Variants in MERTK observed in about 807,000 individuals in gnomAD.
The protein encoded by MERTK is MER proto-oncogene, tyrosine kinase.
In MERTK, 69 loss-of-function variants were observed where a neutral mutation model predicts 99.3. The ratio of observed to expected loss-of-function variants is 0.70; its 90% CI spans 0.57 to 0.85. The LOEUF (loss-of-function observed/expected upper bound fraction) is 0.85, where lower values mean the gene tolerates loss of function less well. Among genes scored for constraint, MERTK ranks in the 40% least tolerant of loss-of-function variants. The pLI is 0.00. For synonymous variants in MERTK, 426 were observed against 467.6 expected, an observed-to-expected ratio of 0.91 and a Z score of 1.15; for missense variants, 1,125 against 1,249.4, an observed-to-expected ratio of 0.90 and a Z score of 1.50.
At chr2:111,935,190 C>T (rs968152333) in intron 2 of MERTK, among the ~76,000 whole-genome samples, 5 of 152,152 alleles carry the variant, frequency 3.3e-5, no homozygotes, top group Admixed American at 6.5e-5. Flanking sequence ...GCCATCCTTG[C>T]ACATGAAGGT....
At chr2:112,024,594 C>T (rs1287824920) in intron 18 of MERTK, among the ~76,000 whole-genome samples, 2 of 152,186 alleles carry the variant, frequency 1.3e-5, no homozygotes, top group Non-Finnish European at 2.9e-5. Context: ...ACAGCATCCC[C>T]CAAAGAGGCC....
intron 5 of MERTK, among the ~76,000 whole-genome samples, chr2:111,965,820 T>C (rs1226289370): frequency 6.6e-6 from 1 of 152,138 alleles, no homozygotes; most frequent in African/African-American, 2.4e-5. Flanking sequence ...CCAATGCTCC[T>C]ATCCCTCTTC....
intron 16 of MERTK, among the ~76,000 whole-genome samples, chr2:112,021,065 T>C (rs1032621077): frequency 6.7e-6 from 1 of 148,534 alleles, no homozygotes; most frequent in African/African-American, 2.5e-5. Flanking sequence ...CCGGCTGTGG[T>C]AGTGTGTACC....
At chr2:112,022,137 C>T in intron 17 of MERTK, 121 bp from the exon 18 acceptor site, 1 of 1,399,614 alleles carries the variant, frequency 7.1e-7, no homozygotes, top group East Asian at 2.3e-5. Flanking sequence ...GCGTCTCACA[C>T]ATAATTGCCA....
At chr2:111,943,757 C>T (rs141083775) in intron 2 of MERTK, among the ~76,000 whole-genome samples, 1 of 152,222 alleles carries the variant, frequency 6.6e-6, no homozygotes, top group African/African-American at 2.4e-5. Context: ...ACCAGCTCTC[C>T]ATTTTTATAG....
chr2:112,015,608 A>C (rs765760605), intron 15 of MERTK, among the ~76,000 whole-genome samples: 13 of 151,944 alleles, frequency 8.6e-5, no homozygotes, highest in Non-Finnish European at 1.8e-4. Flanking sequence ...GTTTCCAGAG[A>C]CTGTTTTCCA....
At position 112,001,475 on chromosome 2, in the gene MERTK, T is replaced by C. The variant is rs1259039263; in HGVS notation, c.1690+189T>C. Among the ~76,000 whole-genome samples the C allele has an allele frequency of 2.0e-5, 3 of 152,338 alleles. No individual in the cohort carries two copies. In the East Asian group the frequency reaches 5.8e-4, roughly 29 times the overall value. On this transcript the variant is annotated intron_variant, in intron 11 of 18. Coordinates refer to ENST00000295408, the MANE Select transcript of MERTK (RefSeq NM_006343.3). ...CCATGCACAGCTCTGTGGGCTAATTTACTGCAATCAGGAGCTTGACCTGGG... is the reference window on the plus strand; with the variant it reads ...CCATGCACAGCTCTGTGGGCTAATTCACTGCAATCAGGAGCTTGACCTGGG...
chr2:112,025,906 T>C (rs1381061337), intron 18 of MERTK, among the ~76,000 whole-genome samples: 1 of 152,162 alleles, frequency 6.6e-6, no homozygotes, highest in Non-Finnish European at 1.5e-5. Context: ...TCTCCAAAAC[T>C]CTTCTTATCT....
At chr2:111,925,288 A>ATTT (rs1684536740) in intron 1 of MERTK, among the ~76,000 whole-genome samples, 5 of 37,202 alleles carry the variant, frequency 1.3e-4, no homozygotes, top group East Asian at 2.1e-3. Flanking sequence ...ATATATATAT[A>ATTT]TATATTTTTT....
chr2:112,024,889 C>T (rs1677433125), intron 18 of MERTK: 1 of 154,168 alleles, frequency 6.5e-6, no homozygotes, highest in African/African-American at 2.4e-5. Flanking sequence ...ATGATTGTGC[C>T]ACCAGACTCC....
At position 111,898,610 on chromosome 2, in the gene MERTK, C is replaced by A; in HGVS notation, c.-126C>A. On this transcript the variant is annotated 5_prime_UTR_variant, in exon 1 of 19. Coordinates refer to ENST00000295408, the MANE Select transcript of MERTK (RefSeq NM_006343.3). ...CCGCCGGCCGCTTGGCTCCGCCACT[C>A]GGCACTCACTGCCCGGGCCGCCCGG... 1.7e-6 allele frequency: 2 copies of A among 1,152,150 alleles called. No individual in the cohort carries two copies. Among genetic ancestry groups the A allele is most frequent in the South Asian group, 1.3e-5 (1 of 74,100 alleles). The allele number at this position is 1,152,150 out of a possible 1,614,324, so 71.4% of individuals were successfully genotyped here. A position where few individuals can be genotyped will look rare whatever the true frequency, so the allele number is the denominator to read the frequency against.
Position 111,910,423 on chromosome 2 carries a change from C to T in MERTK, c.61+11627C>T, listed in dbSNP as rs569160382. On this transcript the variant is annotated intron_variant, in intron 1 of 18. Transcript: ENST00000295408. Reference sequence around the variant, plus strand: ...TAGCTGGGATTACAGGCGCCTGCCACCACGCCTGGCTAATTTTTGTATTTT... The same window carrying T: ...TAGCTGGGATTACAGGCGCCTGCCATCACGCCTGGCTAATTTTTGTATTTT... Among the ~76,000 whole-genome samples the T allele has an allele frequency of 4.0e-3, 601 of 152,132 alleles. 2 individuals are homozygous for T. Among genetic ancestry groups the T allele is most frequent in the Non-Finnish European group, 7.3e-3 (497 of 67,972 alleles).
intron 8 of MERTK, among the ~76,000 whole-genome samples, chr2:111,989,646 C>T (rs1452446941): frequency 6.6e-6 from 1 of 152,238 alleles, no homozygotes; most frequent in African/African-American, 2.4e-5. Flanking sequence ...TAAGCCACCA[C>T]TCCTGGACGG....
intron 6 of MERTK, among the ~76,000 whole-genome samples, chr2:111,968,746 C>T (rs1465507363): frequency 6.6e-6 from 1 of 152,182 alleles, no homozygotes; most frequent in Non-Finnish European, 1.5e-5. Context: ...TCAGGCTGGT[C>T]TCAAACTCCC....
In MERTK at chr2:112,019,498, G is replaced by A. The variant is rs147779020; in HGVS notation, c.2165G>A (p.Arg722Gln). The A allele has an allele frequency of 2.1e-5, 34 of 1,613,344 alleles. No homozygotes were observed. Among genetic ancestry groups the A allele is most frequent in the African/African-American group, 8.0e-5 (6 of 74,960 alleles). ...CTGAGCAACAGGAATTTTCTTCATCGAGATTTAGCTGCTCGAAACTGCATG... is the reference window on the plus strand; with the variant it reads ...CTGAGCAACAGGAATTTTCTTCATCAAGATTTAGCTGCTCGAAACTGCATG... The part of the protein sequence containing the change: ...EYLSNRNFLH[R>Q]DLAARNCMLR... The change falls in exon 16 of 19, where the codon CGA becomes CAA. Residue 722 changes from arginine (R) to glutamine (Q), a missense_variant. Coordinates refer to ENST00000295408, the MANE Select transcript of MERTK (RefSeq NM_006343.3).
chr2:111,947,582 T>G lies in MERTK; in HGVS notation c.757+15T>G. 2 of 1,613,436 alleles carry G rather than the reference T, an allele frequency of 1.2e-6. No individual in the cohort carries two copies. The highest frequency in any genetic ancestry group is 1.7e-6 in the Non-Finnish European group (2 of 1,179,868). ...AACTGTTCCAGGTAAGTCCGAGCTG[T>G]GGGCTTATTGATTTATTCTCTAATA... On this transcript the variant is annotated intron_variant, in intron 4 of 18. Transcript: ENST00000295408.
chr2:111,997,497 T>G, intron 10 of MERTK, 21 bp downstream of exon 10: 1 of 1,611,826 alleles, frequency 6.2e-7, no homozygotes. Flanking sequence ...CAGCTAAAAA[T>G]GTTTGCCCAC....
At chr2:111,917,746 G>A (rs1030917247) in intron 1 of MERTK, among the ~76,000 whole-genome samples, 13 of 152,020 alleles carry the variant, frequency 8.6e-5, no homozygotes, top group Admixed American at 2.6e-4. Flanking sequence ...TTAGCTGGGC[G>A]TGGTAGCGTG....
At position 112,012,421 on chromosome 2, in the gene MERTK, T is replaced by C. The variant is rs1171607571; in HGVS notation, c.2079+2355T>C. Reference sequence around the variant, plus strand: ...GCTTCTTGTTTTTGGAGTCCCCTCTTCTTGGCTTGTTCATTATAACATCTC... The same window carrying C: ...GCTTCTTGTTTTTGGAGTCCCCTCTCCTTGGCTTGTTCATTATAACATCTC... On this transcript the variant is annotated intron_variant, in intron 15 of 18. Transcript: ENST00000295408. Among the ~76,000 whole-genome samples, 3 of 151,866 alleles carry C rather than the reference T, an allele frequency of 2.0e-5. No individual in the cohort carries two copies. In the East Asian group the frequency reaches 5.8e-4, roughly 29 times the overall value.
Sources: allele counts gnomAD v4.1 joint callset (sites outside exome capture counted in the v4.1 genomes callset), GRCh38; gene constraint gnomAD v4.1.1; transcripts MANE v1.5; gene names NCBI Gene and HGNC (gene_info 2026-07-23, HGNC 2026-07-21).